DDX60L: variants seen among roughly 807,000 people sequenced by gnomAD.
DDX60L encodes the protein DExD/H-box 60 like, also known as probable ATP-dependent RNA helicase DDX60-like.
DDX60L carries 191 observed loss-of-function variants against 211.6 expected under a neutral mutation model. The ratio of observed to expected loss-of-function variants is 0.90; its 90% CI spans 0.80 to 1.02. The LOEUF (loss-of-function observed/expected upper bound fraction) is 1.02, where lower values mean the gene tolerates loss of function less well. Ranked by LOEUF, DDX60L falls within the 50% of genes least tolerant of loss-of-function variation. The pLI is 0.00. For synonymous variants in DDX60L, 706 were observed against 694.1 expected (o/e 1.02, Z -0.27); for missense variants, 2,007 against 1,984.1 (o/e 1.01, Z -0.22).
At chr4:168,401,883 T>C (rs1269175991) in intron 25 of DDX60L, among the ~76,000 whole-genome samples, 2 of 152,148 alleles carry the variant, frequency 1.3e-5, no homozygotes, top group African/African-American at 4.8e-5. Flanking sequence ...ATCTGGTATG[T>C]AAAAAAGCAA....
At chr4:168,411,151 A>G (rs1217585362) in intron 22 of DDX60L, among the ~76,000 whole-genome samples, 2 of 152,170 alleles carry the variant, frequency 1.3e-5, no homozygotes, top group Non-Finnish European at 2.9e-5. Context: ...TGAGGTTAAG[A>G]TTATCTGTAA....
At chr4:168,393,933 G>A (rs946882099) in intron 28 of DDX60L, among the ~76,000 whole-genome samples, 13 of 152,228 alleles carry the variant, frequency 8.5e-5, no homozygotes, top group Admixed American at 5.2e-4. Context: ...AGTGGCTCAC[G>A]CCTGTAATCC....
At chr4:168,452,702 A>C (rs1231111241) in intron 8 of DDX60L, among the ~76,000 whole-genome samples, 1 of 152,142 alleles carries the variant, frequency 6.6e-6, no homozygotes, top group South Asian at 2.1e-4. Flanking sequence ...TTAAACCAAA[A>C]TATTAACCGT....
chr4:168,470,855 A>G, intron 4 of DDX60L: 2 of 276,726 alleles, frequency 7.2e-6, no homozygotes, highest in South Asian at 6.4e-5. Flanking sequence ...AAAAAAAAGA[A>G]AGTTCTACAA....
chr4:168,407,410 C>T (rs1369011942), intron 22 of DDX60L, among the ~76,000 whole-genome samples: 1 of 152,154 alleles, frequency 6.6e-6, no homozygotes, highest in Non-Finnish European at 1.5e-5. Context: ...GTCCTCATAG[C>T]CTTTGTGTTC....
intron 36 of DDX60L, among the ~76,000 whole-genome samples, chr4:168,366,556 C>A (rs1740025220): frequency 6.6e-6 from 1 of 151,824 alleles, no homozygotes; most frequent in Non-Finnish European, 1.5e-5. Flanking sequence ...GCCACACTAC[C>A]CAAAATGATC....
chr4:168,373,674 T>G lies in DDX60L; in HGVS notation c.4768A>C (p.Ile1590Leu). The G allele has an allele frequency of 6.2e-7, 1 of 1,613,550 alleles. No homozygotes were observed. Among genetic ancestry groups the G allele is most frequent in the Non-Finnish European group, 8.5e-7 (1 of 1,179,614 alleles). ...TDNDLLRPET[I>L]NQVILRTVGV... ...ATGTATCCTTCACTTACCTGGTTGA[T>G]AGTCTCTGGTCGAAGCAAATCATTA... Residue 1590 changes from isoleucine to leucine, a missense_variant, in exon 35 of 38, where the codon ATC (isoleucine) becomes CTC (leucine). Transcript: ENST00000682922.
In DDX60L at chr4:168,461,707, A is replaced by T. The variant is rs924028219; in HGVS notation, c.598T>A (p.Ser200Thr). The change falls in exon 5 of 38, where the codon TCC becomes ACC. Residue 200 changes from serine (S) to threonine (T), a missense_variant. Transcript: ENST00000682922. ...TTATTAATGTCAATTACCTCCTTGG[A>T]AAAAGTTTGGTTTCTGTCTGTGCTT... is the stretch of plus-strand genomic sequence containing the variant. ...MESTDRNQTFSKENETVIQSA... is the reference protein window; with the variant it reads ...MESTDRNQTFTKENETVIQSA... 6.5e-7 allele frequency: 1 copy of T among 1,531,878 alleles called. No homozygotes were observed. The highest frequency in any genetic ancestry group is 1.4e-5 in the African/African-American group (1 of 72,174). The allele number at this position is 1,531,878 out of a possible 1,614,324, so 94.9% of individuals were successfully genotyped here.
At chr4:168,359,925 C>G (rs1459955264) in intron 37 of DDX60L, among the ~76,000 whole-genome samples, 1 of 152,160 alleles carries the variant, frequency 6.6e-6, no homozygotes, top group East Asian at 1.9e-4. Flanking sequence ...ATACACTATT[C>G]TCCCTGCTTA....
intron 7 of DDX60L, among the ~76,000 whole-genome samples, chr4:168,453,757 T>C (rs1001813162): frequency 2.6e-5 from 4 of 152,172 alleles, no homozygotes; most frequent in Admixed American, 6.6e-5. Flanking sequence ...TTTTCGAATA[T>C]ATAAAAGGTT....
intron 12 of DDX60L, 75 bp downstream of exon 12, chr4:168,432,380 T>G (rs935893350): frequency 1.7e-6 from 1 of 577,358 alleles, no homozygotes; most frequent in Non-Finnish European, 2.7e-6. Context: ...CAATGTAATA[T>G]CTTTTCACTG....
intron 36 of DDX60L, among the ~76,000 whole-genome samples, chr4:168,368,526 T>A (rs1167619100): frequency 6.6e-6 from 1 of 152,078 alleles, no homozygotes; most frequent in Non-Finnish European, 1.5e-5. Context: ...AAATGTGGGG[T>A]CAGAGCCCCC....
chr4:168,443,664 C>A (rs1445245718), intron 9 of DDX60L, among the ~76,000 whole-genome samples: 1 of 151,168 alleles, frequency 6.6e-6, no homozygotes, highest in Non-Finnish European at 1.5e-5. Context: ...GCCCATCAGA[C>A]TAACAGCGGA....
At chr4:168,443,627 G>A (rs1177936109) in intron 9 of DDX60L, among the ~76,000 whole-genome samples, 4 of 151,850 alleles carry the variant, frequency 2.6e-5, no homozygotes, top group South Asian at 2.1e-4. Context: ...CAGCCAGAGA[G>A]AAAGGTTGGG....
rs920766792 is a variant in DDX60L at position 168,406,474 on chromosome 4, A to G, written c.3084+128T>C. ...GGCTGAAAATAAGAAAAAATAACTG[A>G]TTATTTCAAAATAGCAGCATCAACC... On this transcript the variant is annotated intron_variant, in intron 23 of 37. Coordinates refer to ENST00000682922, the MANE Select transcript of DDX60L (RefSeq NM_001012967.3). 7.6e-6 allele frequency: 5 copies of G among 655,336 alleles called. No homozygotes were observed. In the African/African-American group the frequency reaches 9.5e-5, roughly 12 times the overall value. 40.6% of individuals were successfully genotyped at this position (655,336 alleles called of 1,614,324 possible).
chr4:168,476,384 T>G (rs970911139), intron 1 of DDX60L, among the ~76,000 whole-genome samples: 1 of 152,148 alleles, frequency 6.6e-6, no homozygotes, highest in Non-Finnish European at 1.5e-5. Flanking sequence ...CAATGAATAC[T>G]AATACCATAA....
rs1000466199 is a variant in DDX60L, at chr4:168,370,890, T to C, written c.4928+722A>G. On this transcript the variant is annotated intron_variant, in intron 36 of 37. Transcript: ENST00000682922. The stretch of plus-strand genomic sequence containing the variant: ...CCATGGCTAAATTCTTCACGTTCCA[T>C]GTGAATTCTAAGTATTCATCCTTCT... Among the ~76,000 whole-genome samples the C allele has an allele frequency of 3.3e-5, 5 of 151,726 alleles. No homozygotes were observed. In the East Asian group the frequency reaches 9.6e-4, roughly 29 times the overall value.
intron 29 of DDX60L, among the ~76,000 whole-genome samples, chr4:168,388,088 CTT>C (rs1463340309): frequency 1.3e-5 from 2 of 152,334 alleles, no homozygotes; most frequent in African/African-American, 2.4e-5. Context: ...TTCAGCATCT[CTT>C]GTCATCCCCA....
chr4:168,458,739 A>G (rs1051821163), intron 5 of DDX60L, among the ~76,000 whole-genome samples: 1 of 152,214 alleles, frequency 6.6e-6, no homozygotes, highest in African/African-American at 2.4e-5. Flanking sequence ...GGTGCAGCAA[A>G]CCACCATGGC....
Sources: gnomAD v4.1 joint callset for allele counts (sites outside exome capture counted in the v4.1 genomes callset) on GRCh38, gnomAD v4.1.1 for gene constraint, MANE v1.5 for transcripts, NCBI Gene and HGNC (gene_info 2026-07-23, HGNC 2026-07-21) for gene names.